The following COL4A4 variants were observed in gnomAD, a reference collection of about 807,000 sequenced individuals.
The protein encoded by COL4A4 is collagen type IV alpha 4 chain.
A neutral mutation model predicts 192.9 loss-of-function variants in COL4A4; 105 were observed. The observed-to-expected ratio is 0.54, with a 90% CI of 0.46 to 0.64. The LOEUF (loss-of-function observed/expected upper bound fraction) is 0.64. COL4A4 is among the 30% of genes least tolerant of loss of function. COL4A4 has a pLI of 0.00. For synonymous variants in COL4A4, 762 were observed against 769.9 expected (o/e 0.99, Z 0.17); for missense variants, 1,967 against 2,169.3 (o/e 0.91, Z 1.85).
chr2:226,975,333 G>A, the COL4A4 span, among the ~76,000 whole-genome samples: 3 of 152,014 alleles, frequency 2.0e-5, no homozygotes, highest in Non-Finnish European at 4.4e-5. Context: ...TCATCACGTT[G>A]TACACCTTAA....
chr2:227,060,962 G>C (rs1576223172), intron 26 of COL4A4, among the ~76,000 whole-genome samples: 1 of 152,100 alleles, frequency 6.6e-6, no homozygotes. Context: ...TCCTGACCTC[G>C]TGATCCACCC....
At chr2:227,020,671 AG>A (rs11391009) in intron 44 of COL4A4, among the ~76,000 whole-genome samples, 14 of 151,774 alleles carry the variant, frequency 9.2e-5, no homozygotes, top group African/African-American at 3.1e-4. Flanking sequence ...TGGGGCAGTG[AG>A]GGGGGGTGAA....
intron 35 of COL4A4, among the ~76,000 whole-genome samples, chr2:227,045,781 T>A (rs1368575616): frequency 1.3e-5 from 1 of 78,682 alleles, no homozygotes; most frequent in East Asian, 3.0e-4. Flanking sequence ...AAAAAAAAAA[T>A]ACATATATAT....
At chr2:227,131,852 A>T (rs1275196548) in intron 4 of COL4A4, among the ~76,000 whole-genome samples, 5 of 152,180 alleles carry the variant, frequency 3.3e-5, no homozygotes, top group African/African-American at 1.2e-4. Flanking sequence ...CACAGACTGA[A>T]GTGAGGCCGC....
intron 1 of COL4A4, among the ~76,000 whole-genome samples, chr2:227,153,761 T>C (rs543023161): frequency 1.4e-4 from 21 of 152,074 alleles, no homozygotes; most frequent in Admixed American, 1.2e-3. Context: ...AAACTGAATA[T>C]AGAGAAAATG....
chr2:227,108,350 G>C (rs2060980477), intron 12 of COL4A4, among the ~76,000 whole-genome samples: 1 of 152,178 alleles, frequency 6.6e-6, no homozygotes, highest in Non-Finnish European at 1.5e-5. Context: ...GTTTGCTAGG[G>C]TGAAATGTGT....
At chr2:227,041,411 G>A (rs1304615981) in intron 37 of COL4A4, among the ~76,000 whole-genome samples, 4 of 151,836 alleles carry the variant, frequency 2.6e-5, no homozygotes, top group East Asian at 1.9e-4. Context: ...AGGCCGAGGC[G>A]GGTGGATCAT....
chr2:227,070,322 G>A (rs2058634501), intron 25 of COL4A4, among the ~76,000 whole-genome samples: 1 of 151,988 alleles, frequency 6.6e-6, no homozygotes, highest in Non-Finnish European at 1.5e-5. Context: ...GATTCCTCAG[G>A]GATCTAGAAC....
intron 7 of COL4A4, among the ~76,000 whole-genome samples, chr2:227,117,183 G>A (rs1316923504): frequency 1.3e-5 from 2 of 152,172 alleles, no homozygotes; most frequent in Admixed American, 6.5e-5. Flanking sequence ...TGTCTGTATA[G>A]TAAATGAGTC....
chr2:227,125,980 G>T (rs1267892398), intron 4 of COL4A4, among the ~76,000 whole-genome samples: 2 of 152,116 alleles, frequency 1.3e-5, no homozygotes, highest in Non-Finnish European at 2.9e-5. Flanking sequence ...TAATAAGGTA[G>T]CCCACTTCTA....
Position 227,056,349 on chromosome 2 carries a change from TA to T in COL4A4, c.2546-235del, listed in dbSNP as rs56950101. On this transcript the variant is annotated intron_variant, in intron 29 of 47. Coordinates refer to ENST00000396625, the MANE Select transcript of COL4A4 (RefSeq NM_000092.5). ...TCCCAGTAGGGATGAATGTAGATTA[TA>T]AAAAATATTTTTAACAGAAAACAAA... Among the ~76,000 whole-genome samples the T allele has an allele frequency of 0.52, 79,197 of 151,994 alleles. 20,903 individuals carry two copies. The highest frequency in any genetic ancestry group is 0.61 in the South Asian group (2,946 of 4,794).
rs1250595288 is a variant in COL4A4 at position 227,108,830 on chromosome 2, T to C, written c.693+3A>G. 5 of 1,611,848 alleles carry C rather than the reference T, an allele frequency of 3.1e-6. No individual in the cohort carries two copies. The highest frequency in any genetic ancestry group is 4.2e-6 in the Non-Finnish European group (5 of 1,178,640). ...TTGATGTATCTTGCTCATGACTGCC[T>C]ACCTTCAAACCTGGACGCCCTGGTT... is the stretch of plus-strand genomic sequence containing the variant. On this transcript the variant is annotated splice_donor_region_variant and intron_variant, in intron 11 of 47. Coordinates refer to ENST00000396625, the MANE Select transcript of COL4A4 (RefSeq NM_000092.5).
At chr2:227,148,205 A>G (rs1382069972) in intron 1 of COL4A4, among the ~76,000 whole-genome samples, 1 of 152,252 alleles carries the variant, frequency 6.6e-6, no homozygotes, top group Non-Finnish European at 1.5e-5. Flanking sequence ...TTGCACATGA[A>G]TATTCATGGA....
Position 227,089,608 on chromosome 2 carries a change from T to C in COL4A4, c.1459+260A>G, listed in dbSNP as rs866647294. 2.4e-3 allele frequency among the ~76,000 whole-genome samples: 335 copies of C among 137,854 alleles called. 21 individuals carry two copies. Among genetic ancestry groups the C allele is most frequent in the African/African-American group, 9.1e-3 (323 of 35,438 alleles). 90.4% of individuals were successfully genotyped at this position (137,854 alleles called of 152,430 possible). A position where few individuals can be genotyped will look rare whatever the true frequency, so the allele number is the denominator to read the frequency against. On this transcript the variant is annotated intron_variant, in intron 21 of 47. Coordinates refer to ENST00000396625, the MANE Select transcript of COL4A4 (RefSeq NM_000092.5). ...TGTTCCATATATATATATATATATA[T>C]ACATACATATATATAAATATATAAG...
intron 37 of COL4A4, among the ~76,000 whole-genome samples, chr2:227,041,486 C>A (rs1033015940): frequency 6.6e-6 from 1 of 151,284 alleles, no homozygotes; most frequent in Non-Finnish European, 1.5e-5. Context: ...CTAAAAAATA[C>A]AAAAATTAGC....
chr2:227,111,196 G>A (rs2061186764), intron 9 of COL4A4, among the ~76,000 whole-genome samples: 1 of 152,124 alleles, frequency 6.6e-6, no homozygotes, highest in Non-Finnish European at 1.5e-5. Flanking sequence ...TTAGTTTTGT[G>A]AAACTTTCTC....
At chr2:227,102,668 T>C in intron 15 of COL4A4, 121 bp downstream of exon 15, 1 of 839,206 alleles carries the variant, frequency 1.2e-6, no homozygotes, top group Non-Finnish European at 2.1e-6. Context: ...GTCCAAAATG[T>C]TTTGTTCTTA....
chr2:227,114,596 A>AG (rs1559660111), intron 8 of COL4A4, 32 bp downstream of exon 8: 2 of 1,591,194 alleles, frequency 1.3e-6, no homozygotes, highest in Admixed American at 1.7e-5. Context: ...GGAAGAAAAA[A>AG]TTTTTTAACC....
chr2:227,033,948 G>A (rs189098493), intron 37 of COL4A4, among the ~76,000 whole-genome samples: 110 of 152,214 alleles, frequency 7.2e-4, no homozygotes, highest in African/African-American at 2.5e-3. Context: ...GCAGTCAGAC[G>A]AGAGGACGCA....
Sources: gnomAD v4.1 joint callset for allele counts (sites outside exome capture counted in the v4.1 genomes callset) on GRCh38, gnomAD v4.1.1 for gene constraint, MANE v1.5 for transcripts, NCBI Gene and HGNC (gene_info 2026-07-23, HGNC 2026-07-21) for gene names.